Variants in SPDYA observed in about 807,000 individuals in gnomAD.
The protein encoded by SPDYA is speedy protein A.
Under a neutral mutation model 36.7 loss-of-function variants are expected in SPDYA, and 11 were observed. The observed-to-expected ratio is 0.30, with a 90% CI of 0.19 to 0.50. The LOEUF (loss-of-function observed/expected upper bound fraction) is 0.50. Ranked by LOEUF, SPDYA falls within the 20% of genes least tolerant of loss-of-function variation. The pLI is 0.98. For synonymous variants in SPDYA, 115 were observed against 118.7 expected (o/e 0.97, Z 0.20); for missense variants, 287 against 370.9 (o/e 0.77, Z 1.86).
chr2:28,838,297 T>G (rs1292582073), intron 6 of SPDYA, among the ~76,000 whole-genome samples: 2 of 151,662 alleles, frequency 1.3e-5, no homozygotes, highest in Non-Finnish European at 2.9e-5. Flanking sequence ...TTCTCCTGCC[T>G]TAGCCTCCCA....
At chr2:28,819,008 C>A in intron 3 of SPDYA, 40 bp from the exon 4 acceptor site, 1 of 1,468,062 alleles carries the variant, frequency 6.8e-7, no homozygotes, top group South Asian at 1.2e-5. Context: ...AGGAAACATT[C>A]TGTTTTTAAA....
At chr2:28,833,076 T>C (rs945066664) in intron 6 of SPDYA, among the ~76,000 whole-genome samples, 1 of 152,104 alleles carries the variant, frequency 6.6e-6, no homozygotes, top group Non-Finnish European at 1.5e-5. Context: ...GCCTAAGCAA[T>C]CCTCCCACCT....
intron 6 of SPDYA, among the ~76,000 whole-genome samples, chr2:28,835,035 G>C (rs966251707): frequency 2.0e-5 from 3 of 151,890 alleles, no homozygotes; most frequent in Non-Finnish European, 2.9e-5. Context: ...AAGAGAGCAG[G>C]GTCTTTATTT....
intron 4 of SPDYA, among the ~76,000 whole-genome samples, chr2:28,821,197 C>CTTTTTTTTTTTTT (rs11464702): frequency 1.0e-5 from 1 of 98,830 alleles, no homozygotes. Context: ...TTTTCTTTTT[C>CTTTTTTTTTTTTT]TTTTTTTTTT....
At chr2:28,812,711 G>T (rs1196105607) in intron 1 of SPDYA, among the ~76,000 whole-genome samples, 1 of 151,782 alleles carries the variant, frequency 6.6e-6, no homozygotes, top group Non-Finnish European at 1.5e-5. Context: ...ACGAAAATTA[G>T]CGGGGCGTGG....
intron 6 of SPDYA, among the ~76,000 whole-genome samples, chr2:28,831,778 C>T (rs926199244): frequency 6.6e-6 from 1 of 152,174 alleles, no homozygotes; most frequent in East Asian, 1.9e-4. Context: ...AGACTGTCCA[C>T]GTGCTCACAT....
At chr2:28,846,116 G>C (rs1668868732) in intron 7 of SPDYA, among the ~76,000 whole-genome samples, 1 of 151,872 alleles carries the variant, frequency 6.6e-6, no homozygotes. Flanking sequence ...AACAATACAT[G>C]ACCCTTGGCT....
chr2:28,839,332 C>T (rs1668688950), intron 6 of SPDYA, among the ~76,000 whole-genome samples: 1 of 151,984 alleles, frequency 6.6e-6, no homozygotes, highest in South Asian at 2.1e-4. Flanking sequence ...CTCATCTGAT[C>T]CTCGCAGCAA....
At chr2:28,833,847 G>C (rs1190306625) in intron 6 of SPDYA, among the ~76,000 whole-genome samples, 1 of 151,858 alleles carries the variant, frequency 6.6e-6, no homozygotes, top group Admixed American at 6.6e-5. Flanking sequence ...TGTAACAAAA[G>C]AAAATATAAA....
chr2:28,849,959 A>C lies in SPDYA; in HGVS notation c.*18A>C. 6.5e-7 allele frequency: 1 copy of C among 1,535,830 alleles called. No individual in the cohort carries two copies. Among genetic ancestry groups the C allele is most frequent in the Non-Finnish European group, 8.9e-7 (1 of 1,127,550 alleles). On this transcript the variant is annotated 3_prime_UTR_variant, in exon 8 of 8. Coordinates refer to ENST00000334056, the MANE Select transcript of SPDYA (RefSeq NM_182756.4). Reference sequence around the variant, plus strand: ...AAGAATGAGATGGCCCAACTAAACCAATTTGGAATCATTAACTACAAAATG... The same window carrying C: ...AAGAATGAGATGGCCCAACTAAACCCATTTGGAATCATTAACTACAAAATG...
chr2:28,821,362 G>T (rs1668160994), intron 4 of SPDYA, among the ~76,000 whole-genome samples: 1 of 151,858 alleles, frequency 6.6e-6, no homozygotes, highest in Non-Finnish European at 1.5e-5. Context: ...ACCACGCCCG[G>T]CTAATTTTTC....
intron 3 of SPDYA, among the ~76,000 whole-genome samples, chr2:28,817,579 T>C (rs1256666598): frequency 7.0e-6 from 1 of 143,354 alleles, no homozygotes; most frequent in East Asian, 2.1e-4. Context: ...GAAAGAACTA[T>C]AAATAGAATT....
chr2:28,847,891 A>G (rs1048741544), intron 7 of SPDYA, among the ~76,000 whole-genome samples: 5 of 152,196 alleles, frequency 3.3e-5, no homozygotes, highest in African/African-American at 1.2e-4. Flanking sequence ...ATACACACAT[A>G]CTTACCATTG....
intron 1 of SPDYA, among the ~76,000 whole-genome samples, chr2:28,813,876 C>T (rs749616015): frequency 1.3e-5 from 2 of 152,072 alleles, no homozygotes; most frequent in Non-Finnish European, 2.9e-5. Context: ...TAAGGCTGCT[C>T]TTACTTTGAA....
At chr2:28,823,748 A>AAT (rs1558324107) in intron 5 of SPDYA, among the ~76,000 whole-genome samples, 11 of 48,256 alleles carry the variant, frequency 2.3e-4, no homozygotes, top group African/African-American at 8.9e-4. Flanking sequence ...TATATATAAA[A>AAT]TTTTTTTTTT....
At chr2:28,813,572 G>A (rs1239810367) in intron 1 of SPDYA, among the ~76,000 whole-genome samples, 2 of 146,092 alleles carry the variant, frequency 1.4e-5, no homozygotes, top group Non-Finnish European at 3.0e-5. Context: ...TTTTTTTTGA[G>A]ACGGAGTCTT....
At position 28,849,836 on chromosome 2, in the gene SPDYA, A is replaced by G. The variant is rs1449892380; in HGVS notation, c.851-14A>G. The G allele has an allele frequency of 7.1e-6, 10 of 1,414,418 alleles. No individual in the cohort carries two copies. The highest frequency in any genetic ancestry group is 8.8e-6 in the Non-Finnish European group (9 of 1,024,282). The allele number at this position is 1,414,418 out of a possible 1,614,324, so 87.6% of individuals were successfully genotyped here. A position where few individuals can be genotyped will look rare whatever the true frequency, so the allele number is the denominator to read the frequency against. On this transcript the variant is annotated splice_polypyrimidine_tract_variant and intron_variant, in intron 7 of 7. Transcript: ENST00000334056. Reference sequence around the variant, plus strand: ...ATACATAAAATTTATCTTAAAATGCATATTTTATTTCAGTAGTCAATGACC... The same window carrying G: ...ATACATAAAATTTATCTTAAAATGCGTATTTTATTTCAGTAGTCAATGACC...
chr2:28,815,852 T>G, intron 2 of SPDYA, 145 bp from the exon 3 acceptor site: 1 of 554,116 alleles, frequency 1.8e-6, no homozygotes, highest in South Asian at 2.9e-5. Flanking sequence ...AAAGCAATTT[T>G]TAATGGGAGT....
At chr2:28,819,894 A>T (rs1668112990) in intron 4 of SPDYA, among the ~76,000 whole-genome samples, 1 of 89,292 alleles carries the variant, frequency 1.1e-5, no homozygotes, top group Non-Finnish European at 2.0e-5. Flanking sequence ...ATATATATAT[A>T]TATATATATT....
Sources: allele counts gnomAD v4.1 joint callset (sites outside exome capture counted in the v4.1 genomes callset), GRCh38; gene constraint gnomAD v4.1.1; transcripts MANE v1.5; gene names NCBI Gene and HGNC (gene_info 2026-07-23, HGNC 2026-07-21).